Variants in XAF1 observed in about 807,000 individuals in gnomAD.
XAF1 encodes the protein XIAP-associated factor 1.
In XAF1, 32 loss-of-function variants were observed where a neutral mutation model predicts 32.3. That is an observed-to-expected ratio of 0.99 (90% CI 0.75 to 1.33). The LOEUF is 1.33. Ranked by LOEUF, XAF1 falls within the 40% of genes most tolerant of loss-of-function variation. XAF1 has a pLI of 0.00. For synonymous variants in XAF1, 120 were observed against 125.9 expected (o/e 0.95, Z 0.31); for missense variants, 379 against 366.0 (o/e 1.04, Z -0.29).
At chr17:6,765,563 T>TA (rs1975555075) in intron 5 of XAF1, among the ~76,000 whole-genome samples, 1 of 152,216 alleles carries the variant, frequency 6.6e-6, no homozygotes, top group South Asian at 2.1e-4. Context: ...GAATGCTTGA[T>TA]AGACATCTTA....
At chr17:6,764,725 T>C (rs1004489798) in intron 5 of XAF1, among the ~76,000 whole-genome samples, 1 of 151,934 alleles carries the variant, frequency 6.6e-6, no homozygotes, top group African/African-American at 2.4e-5. Flanking sequence ...TGTTTCTTTG[T>C]TCCCCTCCGT....
intron 5 of XAF1, among the ~76,000 whole-genome samples, chr17:6,766,933 C>T (rs1403537970): frequency 6.6e-6 from 1 of 152,184 alleles, no homozygotes; most frequent in Non-Finnish European, 1.5e-5. Context: ...TCTCAGGTCT[C>T]ATCTTTCTCT....
chr17:6,771,091 C>T (rs1237420073), intron 6 of XAF1, 107 bp downstream of exon 6: 4 of 1,270,384 alleles, frequency 3.1e-6, no homozygotes, highest in African/African-American at 1.5e-5. Flanking sequence ...CTGAAAAGGC[C>T]GTTTTCTCTG....
intron 5 of XAF1, among the ~76,000 whole-genome samples, chr17:6,766,427 T>TA (rs1975631308): frequency 6.6e-6 from 1 of 152,226 alleles, no homozygotes; most frequent in Admixed American, 6.5e-5. Flanking sequence ...TTCATATGTC[T>TA]AAAGCACCTT....
At chr17:6,760,088 G>A (rs766457388) in intron 3 of XAF1, among the ~76,000 whole-genome samples, 6 of 152,156 alleles carry the variant, frequency 3.9e-5, no homozygotes, top group Non-Finnish European at 8.8e-5. Flanking sequence ...AGTGGCACAC[G>A]CCTGTAATCC....
In XAF1 at chr17:6,774,381, C is replaced by A. The variant is rs1481797387; in HGVS notation, c.*1212C>A. The A allele has an allele frequency of 6.6e-6, 1 of 152,192 alleles. No individual in the cohort carries two copies. Among genetic ancestry groups the A allele is most frequent in the Non-Finnish European group, 1.5e-5 (1 of 68,042 alleles). The allele number at this position is 152,192 out of a possible 1,614,324, so 9.4% of individuals were successfully genotyped here. On this transcript the variant is annotated 3_prime_UTR_variant, in exon 7 of 7. Transcript: ENST00000361842. ...GCTAGCCATATGCAGAGGATTGAAA[C>A]TGAACCACTTCCTTACACCATATGC...
chr17:6,756,739 G>C (rs868307272), intron 1 of XAF1, among the ~76,000 whole-genome samples: 2 of 152,158 alleles, frequency 1.3e-5, no homozygotes, highest in East Asian at 1.9e-4. Context: ...GGGGGAGAAG[G>C]GGCCAGGTCA....
chr17:6,773,229 T>C lies in XAF1; in HGVS notation c.*60T>C. 6.8e-7 allele frequency: 1 copy of C among 1,461,916 alleles called. No homozygotes were observed. Among genetic ancestry groups the C allele is most frequent in the African/African-American group, 1.4e-5 (1 of 69,944 alleles). 90.6% of individuals were successfully genotyped at this position (1,461,916 alleles called of 1,614,324 possible). On this transcript the variant is annotated 3_prime_UTR_variant, in exon 7 of 7. Transcript: ENST00000361842. ...ATTTCACTTTTAACACTGGCATTCCTGCCTACTTGCTGTGGTGGTCTTGTG... is the reference window on the plus strand; with the variant it reads ...ATTTCACTTTTAACACTGGCATTCCCGCCTACTTGCTGTGGTGGTCTTGTG...
intron 6 of XAF1, 106 bp downstream of exon 6, chr17:6,771,090 C>A (rs745554595): frequency 1.5e-6 from 2 of 1,290,822 alleles, no homozygotes; most frequent in Admixed American, 2.3e-5. Flanking sequence ...GCTGAAAAGG[C>A]CGTTTTCTCT....
At chr17:6,761,093 G>T (rs1213712546) in intron 4 of XAF1, among the ~76,000 whole-genome samples, 2 of 152,194 alleles carry the variant, frequency 1.3e-5, no homozygotes, top group African/African-American at 4.8e-5. Flanking sequence ...GGCGGAGGTT[G>T]CAGTGAGTCG....
chr17:6,765,848 TTTGGCTCCTCTG>T (rs1975584259), intron 5 of XAF1, among the ~76,000 whole-genome samples: 1 of 152,240 alleles, frequency 6.6e-6, no homozygotes, highest in Non-Finnish European at 1.5e-5. Context: ...AGTCAGATTG[TTTGGCTCCTCTG>T]TTCAGATCTC....
chr17:6,771,206 T>C, intron 6 of XAF1: 1 of 479,406 alleles, frequency 2.1e-6, no homozygotes, highest in Non-Finnish European at 3.7e-6. Flanking sequence ...TCAAGCCAGG[T>C]CTTTGAAGGT....
intron 5 of XAF1, among the ~76,000 whole-genome samples, chr17:6,767,022 T>G (rs1252758376): frequency 2.0e-5 from 3 of 152,246 alleles, no homozygotes; most frequent in Non-Finnish European, 4.4e-5. Flanking sequence ...GCAAATTTTT[T>G]AGGCCTTATA....
chr17:6,759,057 G>A, intron 2 of XAF1: 1 of 769,822 alleles, frequency 1.3e-6, no homozygotes, highest in Non-Finnish European at 1.6e-6. Flanking sequence ...CTGCAGGAGA[G>A]ATGGGGTCCG....
chr17:6,767,996 A>T (rs937110365), intron 5 of XAF1, among the ~76,000 whole-genome samples: 2 of 152,184 alleles, frequency 1.3e-5, no homozygotes, highest in Non-Finnish European at 1.5e-5. Flanking sequence ...TTACATGAAA[A>T]TGCTGCCAGA....
intron 5 of XAF1, among the ~76,000 whole-genome samples, chr17:6,767,325 AT>A (rs946504913): frequency 2.0e-5 from 3 of 152,274 alleles, no homozygotes; most frequent in African/African-American, 7.2e-5. Context: ...GTGAATAAAA[AT>A]AAATCTACTC....
At chr17:6,769,300 A>C (rs921724247) in intron 5 of XAF1, among the ~76,000 whole-genome samples, 1 of 152,012 alleles carries the variant, frequency 6.6e-6, no homozygotes, top group Non-Finnish European at 1.5e-5. Context: ...TCTCACTACA[A>C]AAAAAAGATA....
chr17:6,770,789 C>T lies in XAF1; in HGVS notation c.654C>T (p.Asn218=), dbSNP rs2151559895. Residue 218 remains asparagine, a synonymous_variant, in exon 6 of 7, where the codon AAC becomes AAT. Transcript: ENST00000361842. ...KDVRPKTRSI[N]RFPLHSESSS... ...TTCGTCCAAAGACAAGAAGTATAAACAGATTTCCTCTTCATTCTGAAAGTT... is the reference window on the plus strand; with the variant it reads ...TTCGTCCAAAGACAAGAAGTATAAATAGATTTCCTCTTCATTCTGAAAGTT... 1 of 1,613,920 alleles carries T rather than the reference C, an allele frequency of 6.2e-7. No homozygotes were observed. The highest frequency in any genetic ancestry group is 8.5e-7 in the Non-Finnish European group (1 of 1,179,972).
chr17:6,755,744 A>T (rs1224470090), upstream of XAF1: 2 of 1,131,644 alleles, frequency 1.8e-6, no homozygotes, highest in East Asian at 5.0e-5. Flanking sequence ...AGGGATGGAG[A>T]CCCAGACGGA....
Sources: allele counts gnomAD v4.1 joint callset (sites outside exome capture counted in the v4.1 genomes callset), GRCh38; gene constraint gnomAD v4.1.1; transcripts MANE v1.5; gene names NCBI Gene and HGNC (gene_info 2026-07-23, HGNC 2026-07-21).